ZFYVE9: variants seen among roughly 807,000 people sequenced by gnomAD.
The protein encoded by ZFYVE9 is zinc finger FYVE-type containing 9, also known as zinc finger FYVE domain-containing protein 9.
ZFYVE9 carries 43 observed loss-of-function variants against 126.7 expected under a neutral mutation model. The ratio of observed to expected loss-of-function variants is 0.34; its 90% CI spans 0.27 to 0.44. The LOEUF (loss-of-function observed/expected upper bound fraction) is 0.44, where lower values mean the gene tolerates loss of function less well. Ranked by LOEUF, ZFYVE9 falls within the 20% of genes least tolerant of loss-of-function variation. ZFYVE9 has a pLI of 1.00. For missense variants in ZFYVE9, 1,476 were observed against 1,697.0 expected (o/e 0.87, Z 2.29); for synonymous variants, 521 against 597.4 (o/e 0.87, Z 1.87).
chr1:52,183,798 G>A (rs1014715720), intron 1 of ZFYVE9, among the ~76,000 whole-genome samples: 1 of 151,550 alleles, frequency 6.6e-6, no homozygotes, highest in Admixed American at 6.6e-5. Flanking sequence ...GAGCCACCGC[G>A]TCCAGCCTCA....
chr1:52,178,845 A>C (rs980805530), intron 1 of ZFYVE9, among the ~76,000 whole-genome samples: 4 of 151,762 alleles, frequency 2.6e-5, no homozygotes, highest in Non-Finnish European at 5.9e-5. Context: ...TCGCTCTGTT[A>C]CCCAGGCTGG....
intron 2 of ZFYVE9, 77 bp downstream of exon 2, chr1:52,216,551 A>G (rs1321597823): frequency 2.5e-6 from 1 of 397,634 alleles, no homozygotes; most frequent in Non-Finnish European, 4.4e-6. Flanking sequence ...ATGCTGATGC[A>G]TATATGTTAC....
intron 10 of ZFYVE9, among the ~76,000 whole-genome samples, chr1:52,289,135 TA>T (rs1645893556): frequency 6.6e-6 from 1 of 152,144 alleles, no homozygotes. Context: ...AAAAACAGTT[TA>T]AATTCCAAAT....
In ZFYVE9 at chr1:52,216,407, T is replaced by C. The variant is rs1020571398; in HGVS notation, c.-104T>C. On this transcript the variant is annotated 5_prime_UTR_variant, in exon 2 of 19. Transcript: ENST00000287727. ...ATACTGAATCAGCAGGACTGGCTGG[T>C]GGTGCAGCAGACATCATGAGTAAGC... is the stretch of plus-strand genomic sequence containing the variant. 5.0e-6 allele frequency: 2 copies of C among 398,352 alleles called. No homozygotes were observed. Among genetic ancestry groups the C allele is most frequent in the Admixed American group, 4.4e-5 (1 of 22,710 alleles). 24.7% of individuals were successfully genotyped at this position (398,352 alleles called of 1,614,324 possible). A position where few individuals can be genotyped will look rare whatever the true frequency, so the allele number is the denominator to read the frequency against.
intron 4 of ZFYVE9, among the ~76,000 whole-genome samples, chr1:52,247,044 G>T (rs1448000500): frequency 2.0e-5 from 3 of 152,068 alleles, no homozygotes; most frequent in Non-Finnish European, 4.4e-5. Flanking sequence ...GCCCAGGCTG[G>T]TCTCGAAATC....
chr1:52,162,902 T>C (rs1644476225), intron 1 of ZFYVE9: 1 of 510,994 alleles, frequency 2.0e-6, no homozygotes, highest in Admixed American at 2.4e-5. Flanking sequence ...TTGAAAACCC[T>C]TGAAGGACTA....
chr1:52,203,844 A>G (rs1261885103), intron 1 of ZFYVE9, among the ~76,000 whole-genome samples: 1 of 152,072 alleles, frequency 6.6e-6, no homozygotes, highest in Non-Finnish European at 1.5e-5. Context: ...CCTGTCTCCT[A>G]AATAAGCCTA....
intron 4 of ZFYVE9, among the ~76,000 whole-genome samples, chr1:52,242,031 CTTTTTTTTTTTTTT>C (rs975430437): frequency 9.4e-6 from 1 of 106,440 alleles, no homozygotes; most frequent in Non-Finnish European, 1.8e-5. Flanking sequence ...TCATGGCAAT[CTTTTTTTTTTTTTT>C]TTTTTTTTTG....
At position 52,238,121 on chromosome 1, in the gene ZFYVE9, A is replaced by T. The variant is rs1177251209; in HGVS notation, c.704A>T (p.Asp235Val). 1.2e-6 allele frequency: 2 copies of T among 1,614,092 alleles called. No homozygotes were observed. Among genetic ancestry groups the T allele is most frequent in the Admixed American group, 1.7e-5 (1 of 60,014 alleles). The change falls in exon 4 of 19, where the codon GAT (aspartate) becomes GTT (valine). Residue 235 changes from aspartate to valine, a missense_variant. Coordinates refer to ENST00000287727, the MANE Select transcript of ZFYVE9 (RefSeq NM_004799.4). Reference protein sequence around the residue: ...SVNHLCPTSSDSLASVCSPSQ... With the variant: ...SVNHLCPTSSVSLASVCSPSQ... ...AACCATCTGTGTCCTACTTCATCTG[A>T]TAGTCTAGCCAGTGTCTGTTCCCCT...
At chr1:52,218,040 C>T (rs1456952838) in intron 2 of ZFYVE9, among the ~76,000 whole-genome samples, 1 of 152,200 alleles carries the variant, frequency 6.6e-6, no homozygotes, top group East Asian at 1.9e-4. Flanking sequence ...TAGACTCGAA[C>T]CTGGCGGCTA....
chr1:52,175,200 G>A (rs1644613377), intron 1 of ZFYVE9, among the ~76,000 whole-genome samples: 1 of 151,354 alleles, frequency 6.6e-6, no homozygotes, highest in East Asian at 1.9e-4. Context: ...GGCAGGCCTG[G>A]TGGTGACAAA....
chr1:52,165,288 T>C (rs1375237406), intron 1 of ZFYVE9, among the ~76,000 whole-genome samples: 1 of 152,124 alleles, frequency 6.6e-6, no homozygotes, highest in Admixed American at 6.6e-5. Context: ...AATGTCCACC[T>C]TCACCATTTT....
intron 1 of ZFYVE9, among the ~76,000 whole-genome samples, chr1:52,189,690 T>TG (rs1644799332): frequency 1.3e-5 from 2 of 151,782 alleles, no homozygotes; most frequent in Non-Finnish European, 2.9e-5. Context: ...GTTTTTTTTT[T>TG]TTTAAACTTG....
intron 4 of ZFYVE9, among the ~76,000 whole-genome samples, chr1:52,246,361 T>C (rs902832492): frequency 1.3e-5 from 2 of 152,124 alleles, no homozygotes; most frequent in African/African-American, 4.8e-5. Context: ...CAGTTTATTT[T>C]TGGGTAACTT....
At chr1:52,290,539 C>T (rs1031471044) in intron 10 of ZFYVE9, among the ~76,000 whole-genome samples, 1 of 152,156 alleles carries the variant, frequency 6.6e-6, no homozygotes, top group East Asian at 1.9e-4. Context: ...ATTTTTTTCT[C>T]TTTGACAAAT....
intron 1 of ZFYVE9, among the ~76,000 whole-genome samples, chr1:52,213,092 A>G (rs920284323): frequency 6.6e-6 from 1 of 152,212 alleles, no homozygotes; most frequent in African/African-American, 2.4e-5. Flanking sequence ...CATTACTGTA[A>G]TGCTCATTCT....
At chr1:52,302,986 T>C (rs1646049929) in intron 12 of ZFYVE9, among the ~76,000 whole-genome samples, 1 of 152,054 alleles carries the variant, frequency 6.6e-6, no homozygotes, top group South Asian at 2.1e-4. Flanking sequence ...GACGCACATA[T>C]GTAATCCCAG....
intron 1 of ZFYVE9, among the ~76,000 whole-genome samples, chr1:52,195,942 G>A (rs908610914): frequency 1.3e-5 from 2 of 152,006 alleles, no homozygotes; most frequent in Non-Finnish European, 2.9e-5. Flanking sequence ...ATAGGTTCGC[G>A]GCAGCAAGTC....
chr1:52,187,314 A>G lies in ZFYVE9; in HGVS notation c.-142-29055A>G, dbSNP rs753150883. ...TTCTTTATACCATGCACAAAAATCA[A>G]TGCAAGATGGTTTAAAGACTTAAAT... is the stretch of plus-strand genomic sequence containing the variant. On this transcript the variant is annotated intron_variant, in intron 1 of 18. Coordinates refer to ENST00000287727, the MANE Select transcript of ZFYVE9 (RefSeq NM_004799.4). Among the ~76,000 whole-genome samples the G allele has an allele frequency of 3.3e-5, 5 of 152,226 alleles. No homozygotes were observed. In the East Asian group the frequency reaches 5.8e-4, roughly 18 times the overall value.
Sources: gnomAD v4.1 joint callset for allele counts (sites outside exome capture counted in the v4.1 genomes callset) on GRCh38, gnomAD v4.1.1 for gene constraint, MANE v1.5 for transcripts, NCBI Gene and HGNC (gene_info 2026-07-23, HGNC 2026-07-21) for gene names.